Variants in CSMD1 observed in about 807,000 individuals in gnomAD.
CSMD1 encodes the protein CUB and sushi domain-containing protein 1.
CSMD1 carries 213 observed loss-of-function variants against 417.5 expected under a neutral mutation model. The ratio of observed to expected loss-of-function variants is 0.51; its 90% CI spans 0.46 to 0.57. The LOEUF (loss-of-function observed/expected upper bound fraction) is 0.57. Ranked by LOEUF, CSMD1 falls within the 20% of genes least tolerant of loss-of-function variation. CSMD1 has a pLI of 0.00. For missense variants in CSMD1, 6,923 were observed against 4,529.7 expected, an observed-to-expected ratio of 1.53 and a Z score of -15.17; for synonymous variants, 2,862 against 1,736.8, an observed-to-expected ratio of 1.65 and a Z score of -16.11.
chr8:4,768,896 T>G (rs1453275533), intron 1 of CSMD1, among the ~76,000 whole-genome samples: 1 of 152,116 alleles, frequency 6.6e-6, no homozygotes, highest in Non-Finnish European at 1.5e-5. Flanking sequence ...CCTAGCCGAG[T>G]CTTCCAGCAA....
intron 5 of CSMD1, among the ~76,000 whole-genome samples, chr8:3,775,051 C>T (rs1306664659): frequency 1.3e-5 from 2 of 152,128 alleles, no homozygotes; most frequent in Admixed American, 6.5e-5. Context: ...CTCAGAATAG[C>T]ATACAATTTA....
intron 2 of CSMD1, among the ~76,000 whole-genome samples, chr8:4,440,295 G>C (rs1798392763): frequency 6.6e-6 from 1 of 152,152 alleles, no homozygotes. Flanking sequence ...ACTATAACCA[G>C]AAAAATGGAA....
At chr8:3,473,529 G>T (rs771691960) in intron 11 of CSMD1, among the ~76,000 whole-genome samples, 3 of 152,100 alleles carry the variant, frequency 2.0e-5, no homozygotes, top group Non-Finnish European at 4.4e-5. Context: ...CTAACACTGA[G>T]ATATTATTTC....
Position 4,010,180 on chromosome 8 carries a change from A to C in CSMD1, c.611-12070T>G, listed in dbSNP as rs554411273. 2.0e-5 allele frequency among the ~76,000 whole-genome samples: 3 copies of C among 152,232 alleles called. No homozygotes were observed. In the South Asian group the frequency reaches 6.2e-4, roughly 32 times the overall value. Reference sequence around the variant, plus strand: ...AGCCAATGTTTTACATCTGTAGTCCACGTACACTGGTCCTGCTGGCAGACT... The same window carrying C: ...AGCCAATGTTTTACATCTGTAGTCCCCGTACACTGGTCCTGCTGGCAGACT... On this transcript the variant is annotated intron_variant, in intron 4 of 69. Transcript: ENST00000635120.
intron 4 of CSMD1, among the ~76,000 whole-genome samples, chr8:4,000,577 T>C (rs1024255407): frequency 1.2e-4 from 18 of 152,304 alleles, no homozygotes; most frequent in African/African-American, 4.3e-4. Context: ...CTCTACGTTG[T>C]TTTTCTTTAA....
At position 4,236,445 on chromosome 8, in the gene CSMD1, T is replaced by C. The variant is rs79906690; in HGVS notation, c.415+183508A>G. On this transcript the variant is annotated intron_variant, in intron 3 of 69. Coordinates refer to ENST00000635120, the MANE Select transcript of CSMD1 (RefSeq NM_033225.6). ...TTTTCTCCTACACCCCGGGTAACACTGTGACATTTAACAACAAACACAACT... is the reference window on the plus strand; with the variant it reads ...TTTTCTCCTACACCCCGGGTAACACCGTGACATTTAACAACAAACACAACT... Among the ~76,000 whole-genome samples, 5 of 152,264 alleles carry C rather than the reference T, an allele frequency of 3.3e-5. No individual in the cohort carries two copies. The East Asian group carries it at 9.7e-4, about 29-fold the overall frequency.
chr8:4,024,635 C>G (rs371989811), intron 4 of CSMD1, among the ~76,000 whole-genome samples: 8 of 152,154 alleles, frequency 5.3e-5, no homozygotes, highest in African/African-American at 1.9e-4. Context: ...CAAGCAGGAT[C>G]TTGCATTTAT....
intron 8 of CSMD1, among the ~76,000 whole-genome samples, chr8:3,587,553 A>G (rs1800658380): frequency 1.3e-5 from 2 of 152,146 alleles, no homozygotes; most frequent in Admixed American, 6.5e-5. Context: ...AAAAAAATCC[A>G]TATCTATAAT....
intron 1 of CSMD1, among the ~76,000 whole-genome samples, chr8:4,749,034 C>G (rs190040393): frequency 1.9e-4 from 29 of 149,496 alleles, no homozygotes; most frequent in Admixed American, 3.3e-4. Flanking sequence ...TGACCCAAAA[C>G]TGTGTGTGTG....
At chr8:4,041,274 C>T (rs149331042) in intron 3 of CSMD1, among the ~76,000 whole-genome samples, 22,482 of 142,528 alleles carry the variant, frequency 0.16, 2,378 homozygotes, top group East Asian at 0.41. Context: ...GCCTCGGCCT[C>T]CCAAAGTACG....
At chr8:4,146,488 G>T (rs992709009) in intron 3 of CSMD1, among the ~76,000 whole-genome samples, 5 of 147,620 alleles carry the variant, frequency 3.4e-5, no homozygotes, top group Admixed American at 2.7e-4. Context: ...TGTTTACCCA[G>T]TTCCTCAGAC....
chr8:4,975,193 C>G (rs755416590), intron 1 of CSMD1, among the ~76,000 whole-genome samples: 1 of 152,146 alleles, frequency 6.6e-6, no homozygotes, highest in African/African-American at 2.4e-5. Flanking sequence ...TAATTCACCA[C>G]GGTGACTTTT....
At chr8:4,335,615 G>A (rs1317369139) in intron 3 of CSMD1, among the ~76,000 whole-genome samples, 2 of 152,056 alleles carry the variant, frequency 1.3e-5, no homozygotes, top group East Asian at 3.9e-4. Flanking sequence ...GATTATCATT[G>A]ATTCATGTAT....
chr8:3,695,214 T>C (rs1045718535), intron 7 of CSMD1, among the ~76,000 whole-genome samples: 1 of 152,000 alleles, frequency 6.6e-6, no homozygotes, highest in Non-Finnish European at 1.5e-5. Flanking sequence ...GTTTATCTTA[T>C]AGATGCAATA....
At chr8:4,723,249 T>C (rs1167958774) in intron 1 of CSMD1, among the ~76,000 whole-genome samples, 1 of 152,176 alleles carries the variant, frequency 6.6e-6, no homozygotes, top group Non-Finnish European at 1.5e-5. Context: ...CAGGCAATTT[T>C]CTTGCCATCC....
intron 1 of CSMD1, among the ~76,000 whole-genome samples, chr8:4,932,233 C>G (rs1307282384): frequency 4.3e-5 from 6 of 138,648 alleles, no homozygotes; most frequent in Non-Finnish European, 9.3e-5. Context: ...TTTGGGAAGA[C>G]TTTTAAATAT....
At chr8:4,703,976 A>G (rs972047086) in intron 1 of CSMD1, among the ~76,000 whole-genome samples, 2 of 152,146 alleles carry the variant, frequency 1.3e-5, no homozygotes, top group African/African-American at 2.4e-5. Flanking sequence ...TGCAGTTCAC[A>G]GTAGGTTTCA....
chr8:2,942,971 T>A (rs1014178152), intron 68 of CSMD1, among the ~76,000 whole-genome samples: 1 of 152,184 alleles, frequency 6.6e-6, no homozygotes, highest in Admixed American at 6.5e-5. Flanking sequence ...TTTGCTGTTT[T>A]TTCAGGTCTT....
At chr8:4,583,484 A>T (rs968658741) in intron 2 of CSMD1, among the ~76,000 whole-genome samples, 1 of 146,956 alleles carries the variant, frequency 6.8e-6, no homozygotes, top group Non-Finnish European at 1.5e-5. Flanking sequence ...GAGAACCTTT[A>T]TGTCTAGCTC....
Sources: allele counts gnomAD v4.1 joint callset (sites outside exome capture counted in the v4.1 genomes callset), GRCh38; gene constraint gnomAD v4.1.1; transcripts MANE v1.5; gene names NCBI Gene and HGNC (gene_info 2026-07-23, HGNC 2026-07-21).